Variants in ADAMTSL1 observed in about 807,000 individuals in gnomAD.
ADAMTSL1 encodes ADAMTS-like protein 1.
A neutral mutation model predicts 201.8 loss-of-function variants in ADAMTSL1; 126 were observed. That is an observed-to-expected ratio of 0.62 (90% CI 0.54 to 0.72). The LOEUF is 0.72. Ranked by LOEUF, ADAMTSL1 falls within the 30% of genes least tolerant of loss-of-function variation. The pLI, the probability that ADAMTSL1 is intolerant of heterozygous loss-of-function variation, is 0.00. For synonymous variants in ADAMTSL1, 1,121 were observed against 903.4 expected, an observed-to-expected ratio of 1.24 and a Z score of -4.32; for missense variants, 2,679 against 2,277.8, an observed-to-expected ratio of 1.18 and a Z score of -3.59.
chr9:18,265,260 T>C (rs966422302), intron 2 of ADAMTSL1, among the ~76,000 whole-genome samples: 2 of 152,018 alleles, frequency 1.3e-5, no homozygotes, highest in African/African-American at 4.8e-5. Context: ...TCTTCCCGGA[T>C]ACTCTTCTGC....
intron 5 of ADAMTSL1, among the ~76,000 whole-genome samples, chr9:18,632,908 A>G (rs1436394684): frequency 6.6e-6 from 1 of 152,160 alleles, no homozygotes; most frequent in Non-Finnish European, 1.5e-5. Flanking sequence ...TACTTTCTCC[A>G]TATACCCTCT....
chr9:18,724,091 T>G (rs1269910898), intron 15 of ADAMTSL1, among the ~76,000 whole-genome samples: 1 of 152,216 alleles, frequency 6.6e-6, no homozygotes, highest in Non-Finnish European at 1.5e-5. Context: ...TCTTGGTCTG[T>G]GCTGCTATGC....
intron 23 of ADAMTSL1, among the ~76,000 whole-genome samples, chr9:18,856,728 G>C (rs1826876983): frequency 6.6e-6 from 1 of 152,044 alleles, no homozygotes; most frequent in Admixed American, 6.6e-5. Context: ...AAAGTGCTGG[G>C]ATTACAGACG....
At chr9:18,776,677 C>A in intron 18 of ADAMTSL1, 104 bp from the exon 19 acceptor site, 1 of 1,273,726 alleles carries the variant, frequency 7.9e-7, no homozygotes, top group Non-Finnish European at 1.0e-6. Flanking sequence ...TTCTCTTCTC[C>A]ACTCTGGCTC....
chr9:18,550,685 T>G (rs1259445455), intron 3 of ADAMTSL1, among the ~76,000 whole-genome samples: 2 of 151,994 alleles, frequency 1.3e-5, no homozygotes, highest in African/African-American at 4.8e-5. Flanking sequence ...TGAGCCATGC[T>G]TTATCTGGGT....
At chr9:18,335,911 G>C (rs1835216286) in intron 2 of ADAMTSL1, among the ~76,000 whole-genome samples, 1 of 152,060 alleles carries the variant, frequency 6.6e-6, no homozygotes, top group South Asian at 2.1e-4. Context: ...AAAAATTCTG[G>C]ATTCCTGCCC....
intron 1 of ADAMTSL1, among the ~76,000 whole-genome samples, chr9:18,124,466 A>G (rs1825651493): frequency 6.6e-6 from 1 of 152,042 alleles, no homozygotes; most frequent in Non-Finnish European, 1.5e-5. Flanking sequence ...TTACTTTTTT[A>G]TATATTCTGG....
intron 1 of ADAMTSL1, among the ~76,000 whole-genome samples, chr9:18,116,832 C>T (rs1404326564): frequency 3.3e-5 from 5 of 152,174 alleles, no homozygotes; most frequent in Non-Finnish European, 2.9e-5. Flanking sequence ...CATCATTTAG[C>T]ATTAGGTCTG....
intron 2 of ADAMTSL1, among the ~76,000 whole-genome samples, chr9:18,295,740 A>G (rs1479766245): frequency 1.3e-5 from 2 of 152,214 alleles, no homozygotes; most frequent in Admixed American, 1.3e-4. Context: ...ACAATTCTAA[A>G]TAGTTCATGT....
In ADAMTSL1 at chr9:18,235,081, TTC is replaced by T. The variant is rs377444162; in HGVS notation, c.207+71104_207+71105del. Among the ~76,000 whole-genome samples the T allele has an allele frequency of 7.2e-5, 11 of 152,268 alleles. No individual in the cohort carries two copies. The East Asian group carries it at 1.9e-3, about 27-fold the overall frequency. On this transcript the variant is annotated intron_variant, in intron 2 of 29. Coordinates refer to the ADAMTSL1 transcript ENST00000680146. The stretch of plus-strand genomic sequence containing the variant: ...ATCCTAAATGTTTTTCTGATTTCAT[TTC>T]TCTTTCCCTAATTTTTTTTCTGGTC...
At chr9:18,177,224 G>A (rs1828208044) in intron 2 of ADAMTSL1, among the ~76,000 whole-genome samples, 1 of 152,170 alleles carries the variant, frequency 6.6e-6, no homozygotes, top group African/African-American at 2.4e-5. Flanking sequence ...AAGAATGAAT[G>A]AATGCATGTG....
At position 18,359,747 on chromosome 9, in the gene ADAMTSL1, C is replaced by A. The variant is rs1342963295; in HGVS notation, c.208-145082C>A. On this transcript the variant is annotated intron_variant, in intron 2 of 29. Coordinates refer to the ADAMTSL1 transcript ENST00000680146. ...CTGATTCATATTATTTTTAACTTTT[C>A]TAAGGGTGTTCCTTATTAAAGTGTT... 4.0e-5 allele frequency among the ~76,000 whole-genome samples: 6 copies of A among 150,882 alleles called. No individual in the cohort carries two copies. In the East Asian group the frequency reaches 1.2e-3, roughly 30 times the overall value.
At chr9:18,329,144 A>G (rs1288269709) in intron 2 of ADAMTSL1, among the ~76,000 whole-genome samples, 1 of 152,146 alleles carries the variant, frequency 6.6e-6, no homozygotes, top group Non-Finnish European at 1.5e-5. Flanking sequence ...AAAAGAGACC[A>G]CAGAGAGCTC....
chr9:18,186,971 T>A (rs1202030567), intron 2 of ADAMTSL1, among the ~76,000 whole-genome samples: 2 of 152,116 alleles, frequency 1.3e-5, no homozygotes, highest in African/African-American at 4.8e-5. Context: ...CTCAAGACTT[T>A]CAACTCTAAA....
chr9:18,265,515 C>A (rs574257856), intron 2 of ADAMTSL1, among the ~76,000 whole-genome samples: 13 of 152,218 alleles, frequency 8.5e-5, no homozygotes, highest in Middle Eastern at 6.8e-3. Context: ...TTCCTAGCAC[C>A]AATAGAGTCT....
intron 1 of ADAMTSL1, among the ~76,000 whole-genome samples, chr9:18,490,588 A>T (rs1290777345): frequency 6.6e-6 from 1 of 152,102 alleles, no homozygotes; most frequent in East Asian, 1.9e-4. Context: ...GGAGAAGACA[A>T]CTCAAGTGAG....
At chr9:18,033,317 C>G (rs969756043) in intron 1 of ADAMTSL1, among the ~76,000 whole-genome samples, 1 of 152,150 alleles carries the variant, frequency 6.6e-6, no homozygotes, top group South Asian at 2.1e-4. Context: ...GTCACTCATT[C>G]CACAGTGTGT....
chr9:18,179,447 A>G (rs1828348177), intron 2 of ADAMTSL1, among the ~76,000 whole-genome samples: 1 of 152,152 alleles, frequency 6.6e-6, no homozygotes, highest in Admixed American at 6.5e-5. Flanking sequence ...GTGGGAAAAC[A>G]CTCTGCAGGA....
chr9:18,875,605 T>C (rs1828097902), intron 23 of ADAMTSL1, among the ~76,000 whole-genome samples: 1 of 152,192 alleles, frequency 6.6e-6, no homozygotes, highest in South Asian at 2.1e-4. Flanking sequence ...CACTGTGGTC[T>C]GAGAGAGTAC....
Sources: allele counts gnomAD v4.1 joint callset (sites outside exome capture counted in the v4.1 genomes callset), GRCh38; gene constraint gnomAD v4.1.1; transcripts MANE v1.5; gene names NCBI Gene and HGNC (gene_info 2026-07-23, HGNC 2026-07-21).